The following ATXN1 variants were observed in gnomAD, a reference collection of about 807,000 sequenced individuals.
The protein encoded by ATXN1 is ataxin-1.
Under a neutral mutation model 56.4 loss-of-function variants are expected in ATXN1, and 8 were observed. That is an observed-to-expected ratio of 0.14 (90% CI 0.08 to 0.26). The LOEUF is 0.26. Ranked by LOEUF, ATXN1 falls within the 10% of genes least tolerant of loss-of-function variation. The pLI is 1.00. For synonymous variants in ATXN1, 514 were observed against 494.6 expected, an observed-to-expected ratio of 1.04 and a Z score of -0.52; for missense variants, 987 against 1,106.5, an observed-to-expected ratio of 0.89 and a Z score of 1.53.
At chr6:16,609,543 C>T (rs1467842654) in intron 3 of ATXN1, among the ~76,000 whole-genome samples, 1 of 152,202 alleles carries the variant, frequency 6.6e-6, no homozygotes, top group African/African-American at 2.4e-5. Context: ...CAAATTTGTG[C>T]AGCTGCTGAA....
At chr6:16,439,709 AT>A (rs1759474828) in intron 6 of ATXN1, among the ~76,000 whole-genome samples, 2 of 152,164 alleles carry the variant, frequency 1.3e-5, no homozygotes, top group African/African-American at 4.8e-5. Flanking sequence ...CAAACTTTTC[AT>A]TTTGAAGTAT....
chr6:16,465,368 A>T (rs1021185868), intron 6 of ATXN1, among the ~76,000 whole-genome samples: 1 of 152,186 alleles, frequency 6.6e-6, no homozygotes, highest in Non-Finnish European at 1.5e-5. Flanking sequence ...GAGGCAGGAG[A>T]ATTGCTTGAA....
At chr6:16,516,983 A>G (rs1337408331) in intron 5 of ATXN1, among the ~76,000 whole-genome samples, 1 of 152,240 alleles carries the variant, frequency 6.6e-6, no homozygotes, top group African/African-American at 2.4e-5. Context: ...CTCATAACTG[A>G]TGACTTGATA....
At chr6:16,382,322 G>A (rs1441116051) in intron 6 of ATXN1, among the ~76,000 whole-genome samples, 1 of 151,772 alleles carries the variant, frequency 6.6e-6, no homozygotes, top group Non-Finnish European at 1.5e-5. Flanking sequence ...AAATACCCAG[G>A]TACGGTGGTG....
intron 6 of ATXN1, among the ~76,000 whole-genome samples, chr6:16,351,350 A>G (rs1761560748): frequency 6.7e-6 from 1 of 150,094 alleles, no homozygotes. Flanking sequence ...TTTTGCTGGT[A>G]TTCTTCTACT....
chr6:16,376,393 C>G (rs2237217), intron 6 of ATXN1, among the ~76,000 whole-genome samples: 5 of 152,002 alleles, frequency 3.3e-5, no homozygotes, highest in African/African-American at 1.2e-4. Flanking sequence ...TTTTGACTAG[C>G]CTGTCTACCC....
chr6:16,455,837 T>A (rs766817562), intron 6 of ATXN1, among the ~76,000 whole-genome samples: 8 of 152,168 alleles, frequency 5.3e-5, no homozygotes, highest in Non-Finnish European at 7.3e-5. Flanking sequence ...TCCTGTCTTA[T>A]AAGAGGTTTG....
At chr6:16,729,512 G>A (rs748795801) in intron 2 of ATXN1, among the ~76,000 whole-genome samples, 2 of 152,122 alleles carry the variant, frequency 1.3e-5, no homozygotes, top group Non-Finnish European at 2.9e-5. Context: ...TCTTTCGTTC[G>A]AATTTTAGGC....
intron 5 of ATXN1, among the ~76,000 whole-genome samples, chr6:16,517,867 C>T: frequency 6.6e-6 from 1 of 152,208 alleles, no homozygotes; most frequent in Admixed American, 6.5e-5. Context: ...CTCCTACAGA[C>T]TTGCCAGACA....
chr6:16,437,538 G>C (rs1759420147), intron 6 of ATXN1, among the ~76,000 whole-genome samples: 1 of 152,174 alleles, frequency 6.6e-6, no homozygotes, highest in Admixed American at 6.5e-5. Flanking sequence ...GAGGTGGCTG[G>C]GAATTAAAAG....
chr6:16,390,637 C>A (rs9477122), intron 6 of ATXN1, among the ~76,000 whole-genome samples: 1 of 150,834 alleles, frequency 6.6e-6, no homozygotes, highest in South Asian at 2.1e-4. Flanking sequence ...AATCCATTTA[C>A]GAAAAACAAG....
Position 16,364,471 on chromosome 6 carries a change from T to G in ATXN1, c.-160-36001A>C, listed in dbSNP as rs139061789. Reference sequence around the variant, plus strand: ...GGCACCCGCCACCACGCCTGGCTAATTTTTTGTATTTTTAGTAGAGATAGG... The same window carrying G: ...GGCACCCGCCACCACGCCTGGCTAAGTTTTTGTATTTTTAGTAGAGATAGG... On this transcript the variant is annotated intron_variant, in intron 6 of 7. Transcript: ENST00000436367. 3.6e-3 allele frequency among the ~76,000 whole-genome samples: 542 copies of G among 152,112 alleles called. 4 individuals are homozygous for G. Among genetic ancestry groups the G allele is most frequent in the African/African-American group, 0.013 (520 of 41,476 alleles).
intron 6 of ATXN1, among the ~76,000 whole-genome samples, chr6:16,343,908 T>A (rs1445858645): frequency 6.6e-6 from 1 of 152,128 alleles, no homozygotes; most frequent in African/African-American, 2.4e-5. Context: ...GGGTATGTGT[T>A]CCCTCTGCTC....
intron 6 of ATXN1, among the ~76,000 whole-genome samples, chr6:16,466,246 G>A (rs1238145521): frequency 6.7e-6 from 1 of 149,962 alleles, no homozygotes; most frequent in Non-Finnish European, 1.5e-5. Flanking sequence ...ACCCAGGCGG[G>A]GGCAGAGATT....
At chr6:16,626,380 C>T (rs1209166289) in intron 3 of ATXN1, among the ~76,000 whole-genome samples, 1 of 152,122 alleles carries the variant, frequency 6.6e-6, no homozygotes, top group Non-Finnish European at 1.5e-5. Flanking sequence ...ACCTCTCTGC[C>T]TCCCAGGTTC....
At chr6:16,414,650 C>CA (rs913367531) in intron 6 of ATXN1, among the ~76,000 whole-genome samples, 5 of 152,134 alleles carry the variant, frequency 3.3e-5, no homozygotes, top group African/African-American at 9.6e-5. Context: ...ACAACAACAA[C>CA]AAAAAAACGC....
In ATXN1 at chr6:16,572,665, G is replaced by T. The variant is rs185781088; in HGVS notation, c.-361+13115C>A. On this transcript the variant is annotated intron_variant, in intron 4 of 7. Transcript: ENST00000436367. ...AACACAGAGTGAGACACAAGCCCAAGAGAAAACAAAAAGAACACAGCAAAG... is the reference window on the plus strand; with the variant it reads ...AACACAGAGTGAGACACAAGCCCAATAGAAAACAAAAAGAACACAGCAAAG... Among the ~76,000 whole-genome samples, 492 of 152,286 alleles carry T rather than the reference G, an allele frequency of 3.2e-3. 3 individuals are homozygous for T. Among genetic ancestry groups the T allele is most frequent in the African/African-American group, 9.0e-3 (373 of 41,548 alleles).
chr6:16,564,333 T>C (rs1762175547), intron 4 of ATXN1, among the ~76,000 whole-genome samples: 1 of 151,718 alleles, frequency 6.6e-6, no homozygotes, highest in Admixed American at 6.6e-5. Flanking sequence ...TCACTTACAA[T>C]CTTAATTTGT....
intron 2 of ATXN1, among the ~76,000 whole-genome samples, chr6:16,701,629 A>C (rs959457252): frequency 2.0e-5 from 3 of 152,258 alleles, no homozygotes; most frequent in Non-Finnish European, 2.9e-5. Flanking sequence ...AAGCAACGTC[A>C]GCAAAGTCTG....
Sources: allele counts gnomAD v4.1 joint callset (sites outside exome capture counted in the v4.1 genomes callset), GRCh38; gene constraint gnomAD v4.1.1; transcripts MANE v1.5; gene names NCBI Gene and HGNC (gene_info 2026-07-23, HGNC 2026-07-21).